LRRC4C: variants seen among roughly 807,000 people sequenced by gnomAD.
The protein encoded by LRRC4C is leucine rich repeat containing 4C, also known as leucine-rich repeat-containing protein 4C.
A neutral mutation model predicts 33.6 loss-of-function variants in LRRC4C; 5 were observed. The ratio of observed to expected loss-of-function variants is 0.15; its 90% CI spans 0.08 to 0.31. LRRC4C has a LOEUF of 0.31. Among genes scored for constraint, LRRC4C ranks in the 10% least tolerant of loss-of-function variants. The pLI, the probability that LRRC4C is intolerant of heterozygous loss-of-function variation, is 1.00. For missense variants in LRRC4C, 560 were observed against 796.7 expected (o/e 0.70, Z 3.58); for synonymous variants, 329 against 302.0 (o/e 1.09, Z -0.93).
chr11:40,326,056 G>T (rs1386184628), intron 3 of LRRC4C, among the ~76,000 whole-genome samples: 1 of 145,352 alleles, frequency 6.9e-6, no homozygotes, highest in Non-Finnish European at 1.5e-5. Flanking sequence ...GTGGCATTTG[G>T]AAAACCTAAA....
intron 1 of LRRC4C, among the ~76,000 whole-genome samples, chr11:41,257,339 A>T (rs746278840): frequency 2.0e-5 from 3 of 151,984 alleles, no homozygotes; most frequent in Non-Finnish European, 4.4e-5. Flanking sequence ...AAAGAGTAAG[A>T]TTCAAAATGC....
chr11:41,244,171 CTCTATCTA>C lies in LRRC4C; in HGVS notation c.-496+215252_-496+215259del, dbSNP rs373356899. On this transcript the variant is annotated intron_variant, in intron 1 of 6. Transcript: ENST00000528697. ...ACCATGTTAGTTTCAAGAAAGTTTT[CTCTATCTA>C]TCTATCTATCTATCGATCGTAAAAA... is the stretch of plus-strand genomic sequence containing the variant. Among the ~76,000 whole-genome samples, 7 of 146,794 alleles carry C rather than the reference CTCTATCTA, an allele frequency of 4.8e-5. No individual in the cohort carries two copies. The South Asian group carries it at 6.4e-4, about 13-fold the overall frequency.
At chr11:40,946,557 G>C (rs541212432) in intron 1 of LRRC4C, among the ~76,000 whole-genome samples, 11 of 152,280 alleles carry the variant, frequency 7.2e-5, no homozygotes, top group African/African-American at 2.6e-4. Flanking sequence ...CACTATCAGT[G>C]TGTAAACATT....
At chr11:40,172,960 A>G (rs139773576) in intron 5 of LRRC4C, among the ~76,000 whole-genome samples, 8 of 152,318 alleles carry the variant, frequency 5.3e-5, no homozygotes, top group Non-Finnish European at 8.8e-5. Flanking sequence ...GTACACAAAG[A>G]CAGACATGCA....
chr11:41,021,206 AGAGAGAGAGTGT>A (rs1855953213), intron 1 of LRRC4C, among the ~76,000 whole-genome samples: 5 of 84,230 alleles, frequency 5.9e-5, no homozygotes, highest in African/African-American at 1.8e-4. Flanking sequence ...AGAGAGAGAG[AGAGAGAGAGTGT>A]GTGTGTGTGT....
chr11:40,863,040 C>A (rs1405426219), intron 2 of LRRC4C, among the ~76,000 whole-genome samples: 2 of 152,188 alleles, frequency 1.3e-5, no homozygotes. Flanking sequence ...TTCTGAGATG[C>A]AAGCACTGAA....
chr11:40,779,980 G>A (rs1305771938), intron 2 of LRRC4C, among the ~76,000 whole-genome samples: 1 of 152,100 alleles, frequency 6.6e-6, no homozygotes, highest in Non-Finnish European at 1.5e-5. Flanking sequence ...CAATGTATAG[G>A]CCTAAAAATT....
intron 2 of LRRC4C, among the ~76,000 whole-genome samples, chr11:40,764,329 A>G (rs763871581): frequency 2.0e-5 from 3 of 152,088 alleles, no homozygotes; most frequent in Non-Finnish European, 4.4e-5. Flanking sequence ...GCCAGGCAGT[A>G]CTTGCTGTAG....
At chr11:40,917,116 A>G (rs945098579) in intron 2 of LRRC4C, among the ~76,000 whole-genome samples, 2 of 152,156 alleles carry the variant, frequency 1.3e-5, no homozygotes, top group African/African-American at 2.4e-5. Flanking sequence ...AGTTTACTTC[A>G]ATAATATTTA....
Position 41,384,976 on chromosome 11 carries a change from A to C in LRRC4C, c.-496+74455T>G, listed in dbSNP as rs569662116. Among the ~76,000 whole-genome samples, 12 of 150,806 alleles carry C rather than the reference A, an allele frequency of 8.0e-5. No homozygotes were observed. The South Asian group carries it at 2.5e-3, about 32-fold the overall frequency. ...CAGTTTGTATAGTTGTAGTATAATA[A>C]AGAAAAACATATCTCAAGGTAAAAA... On this transcript the variant is annotated intron_variant, in intron 1 of 6. Transcript: ENST00000528697.
chr11:40,193,103 C>T (rs557333898), intron 5 of LRRC4C, among the ~76,000 whole-genome samples: 2 of 152,178 alleles, frequency 1.3e-5, no homozygotes, highest in Non-Finnish European at 2.9e-5. Context: ...TCGAGCTCTG[C>T]TAAGGGTCAG....
intron 5 of LRRC4C, among the ~76,000 whole-genome samples, chr11:40,182,167 G>A (rs193049422): frequency 2.3e-4 from 35 of 152,194 alleles, no homozygotes; most frequent in Non-Finnish European, 4.6e-4. Context: ...AATAATTAAA[G>A]TTTATTAAAC....
intron 2 of LRRC4C, among the ~76,000 whole-genome samples, chr11:40,717,445 C>T (rs990128569): frequency 6.6e-6 from 1 of 151,952 alleles, no homozygotes; most frequent in African/African-American, 2.4e-5. Context: ...AAAATATAAG[C>T]TTGATGAAGA....
chr11:40,955,140 A>G (rs1050601889), intron 1 of LRRC4C, among the ~76,000 whole-genome samples: 1 of 151,800 alleles, frequency 6.6e-6, no homozygotes, highest in Non-Finnish European at 1.5e-5. Flanking sequence ...ATATCAATAT[A>G]TGCTACGTCT....
intron 5 of LRRC4C, among the ~76,000 whole-genome samples, chr11:40,184,169 T>C (rs1448365490): frequency 6.6e-6 from 1 of 152,192 alleles, no homozygotes; most frequent in Non-Finnish European, 1.5e-5. Flanking sequence ...AAAGGTGTTC[T>C]GAATTGAAAG....
intron 5 of LRRC4C, among the ~76,000 whole-genome samples, chr11:40,216,339 C>A (rs1225926181): frequency 6.6e-6 from 1 of 152,126 alleles, no homozygotes; most frequent in Non-Finnish European, 1.5e-5. Flanking sequence ...TGTACTGTGA[C>A]TTTCATATTT....
chr11:40,740,894 C>T (rs1283796901), intron 2 of LRRC4C, among the ~76,000 whole-genome samples: 4 of 151,976 alleles, frequency 2.6e-5, no homozygotes, highest in East Asian at 1.9e-4. Context: ...ACTATACATT[C>T]CCCCCATTGG....
chr11:40,478,387 G>A (rs529822332), intron 3 of LRRC4C, among the ~76,000 whole-genome samples: 2 of 152,258 alleles, frequency 1.3e-5, no homozygotes, highest in East Asian at 3.9e-4. Flanking sequence ...AAATGTACAT[G>A]CAGGGTGGTT....
At chr11:41,035,269 T>G (rs1382957710) in intron 1 of LRRC4C, among the ~76,000 whole-genome samples, 1 of 151,984 alleles carries the variant, frequency 6.6e-6, no homozygotes, top group South Asian at 2.1e-4. Flanking sequence ...CCTGTGTTGT[T>G]ACATAGGTAA....
Sources: gnomAD v4.1 joint callset for allele counts (sites outside exome capture counted in the v4.1 genomes callset) on GRCh38, gnomAD v4.1.1 for gene constraint, MANE v1.5 for transcripts, NCBI Gene and HGNC (gene_info 2026-07-23, HGNC 2026-07-21) for gene names.